The following MTHFD1 variants were observed in gnomAD, a reference collection of about 807,000 sequenced individuals.
MTHFD1 encodes the protein methylenetetrahydrofolate dehydrogenase, cyclohydrolase and formyltetrahydrofolate synthetase 1.
MTHFD1 carries 44 observed loss-of-function variants against 110.3 expected under a neutral mutation model. That is an observed-to-expected ratio of 0.40 (90% CI 0.31 to 0.51). MTHFD1 has a LOEUF of 0.51. Ranked by LOEUF, MTHFD1 falls within the 20% of genes least tolerant of loss-of-function variation. The pLI is 0.60. For missense variants in MTHFD1, 909 were observed against 1,173.1 expected, an observed-to-expected ratio of 0.77 and a Z score of 3.29; for synonymous variants, 402 against 428.8, an observed-to-expected ratio of 0.94 and a Z score of 0.77.
At chr14:64,412,913 C>T (rs542233054) in intron 4 of MTHFD1, among the ~76,000 whole-genome samples, 27 of 150,222 alleles carry the variant, frequency 1.8e-4, no homozygotes, top group East Asian at 8.3e-4. Flanking sequence ...GCTGGGATTA[C>T]AGGCGTGAGC....
chr14:64,449,681 C>A (rs768078804), intron 24 of MTHFD1, 59 bp downstream of exon 24: 1 of 1,579,642 alleles, frequency 6.3e-7, no homozygotes, highest in Non-Finnish European at 8.6e-7. Flanking sequence ...AGTGAAGTTT[C>A]TGTGTGGCTA....
At chr14:64,431,490 C>T in intron 13 of MTHFD1, 42 bp from the exon 14 acceptor site, 1 of 1,507,852 alleles carries the variant, frequency 6.6e-7, no homozygotes, top group South Asian at 1.1e-5. Context: ...TGGAAAGATA[C>T]AGAGCAGCTG....
At chr14:64,412,130 T>C (rs2077990030) in intron 3 of MTHFD1, among the ~76,000 whole-genome samples, 1 of 152,152 alleles carries the variant, frequency 6.6e-6, no homozygotes, top group African/African-American at 2.4e-5. Flanking sequence ...GGGAGGCATG[T>C]AGCTTTTCAT....
At chr14:64,404,706 C>A (rs1217869458) in intron 2 of MTHFD1, among the ~76,000 whole-genome samples, 2 of 152,192 alleles carry the variant, frequency 1.3e-5, no homozygotes, top group African/African-American at 2.4e-5. Context: ...TGCGGTGGCT[C>A]ATGCCTATAA....
intron 2 of MTHFD1, among the ~76,000 whole-genome samples, chr14:64,401,261 C>G (rs929657016): frequency 6.6e-6 from 1 of 152,192 alleles, no homozygotes; most frequent in African/African-American, 2.4e-5. Flanking sequence ...CTCCTGGCTT[C>G]AAGCAGTCCT....
chr14:64,440,348 T>C (rs978942118), intron 18 of MTHFD1, 82 bp downstream of exon 18: 3 of 1,490,950 alleles, frequency 2.0e-6, no homozygotes, highest in African/African-American at 1.4e-5. Context: ...AATAACAAAA[T>C]GTAATGCTGT....
chr14:64,425,326 C>A (rs1428387577), intron 9 of MTHFD1, among the ~76,000 whole-genome samples: 2 of 151,684 alleles, frequency 1.3e-5, no homozygotes, highest in African/African-American at 2.4e-5. Context: ...GATTCTCCTG[C>A]CTCAGCCTCC....
chr14:64,456,640 C>T (rs1170744818), intron 26 of MTHFD1, among the ~76,000 whole-genome samples: 2 of 152,218 alleles, frequency 1.3e-5, no homozygotes, highest in Admixed American at 6.5e-5. Flanking sequence ...TGTCATCTTC[C>T]GGTTTTTCTG....
chr14:64,447,345 G>A (rs529729690), intron 22 of MTHFD1, among the ~76,000 whole-genome samples: 4 of 151,452 alleles, frequency 2.6e-5, no homozygotes, highest in East Asian at 3.9e-4. Flanking sequence ...TAATAGATAC[G>A]GGGTTTCACC....
At position 64,425,821 on chromosome 14, in the gene MTHFD1, T is replaced by C. The variant is rs576220487; in HGVS notation, c.947T>C (p.Val316Ala). The change falls in exon 10 of 28, where the codon GTT becomes GCT. Residue 316 changes from valine to alanine, a missense_variant. Val to Ala is a moderately conservative substitution (Grantham distance 64, BLOSUM62 0). Coordinates refer to ENST00000652337, the MANE Select transcript of MTHFD1 (RefSeq NM_005956.4). ...QYNNLNLKTPVPSDIDISRSC... is the reference protein window; with the variant it reads ...QYNNLNLKTPAPSDIDISRSC... ...AACAACCTTAACCTCAAGACACCTGTTCCAAGGTAAAAATAAAGTTTTACT... is the reference window on the plus strand; with the variant it reads ...AACAACCTTAACCTCAAGACACCTGCTCCAAGGTAAAAATAAAGTTTTACT... The C allele has an allele frequency of 8.7e-6, 14 of 1,613,580 alleles. 1 individual carries two copies. The African/African-American group carries it at 1.5e-4, about 17-fold the overall frequency.
At chr14:64,453,364 G>C (rs1415945838) in intron 24 of MTHFD1, among the ~76,000 whole-genome samples, 1 of 152,066 alleles carries the variant, frequency 6.6e-6, no homozygotes, top group Non-Finnish European at 1.5e-5. Context: ...CTGAGGTTGG[G>C]AGTTCAAGAC....
chr14:64,418,483 A>C (rs1164196304), intron 7 of MTHFD1, among the ~76,000 whole-genome samples: 5 of 151,310 alleles, frequency 3.3e-5, no homozygotes, highest in South Asian at 2.1e-4. Flanking sequence ...ATTAAAAAAA[A>C]CATAAAATTA....
chr14:64,390,695 C>T (rs908573039), intron 1 of MTHFD1, among the ~76,000 whole-genome samples: 1 of 152,024 alleles, frequency 6.6e-6, no homozygotes, highest in Admixed American at 6.6e-5. Context: ...GTTGCCCAGG[C>T]TGGAGTGCAA....
At chr14:64,405,568 T>G (rs1401571240) in intron 2 of MTHFD1, among the ~76,000 whole-genome samples, 2 of 152,184 alleles carry the variant, frequency 1.3e-5, no homozygotes, top group African/African-American at 4.8e-5. Context: ...TGAGGCCGTC[T>G]CCTTAGGAGC....
intron 8 of MTHFD1, among the ~76,000 whole-genome samples, chr14:64,421,575 CT>C (rs2078071083): frequency 6.6e-6 from 1 of 152,064 alleles, no homozygotes; most frequent in South Asian, 2.1e-4. Context: ...ACTTTGAATA[CT>C]TGCGATATGA....
chr14:64,453,985 T>C, intron 25 of MTHFD1, 124 bp downstream of exon 25: 1 of 707,490 alleles, frequency 1.4e-6, no homozygotes, highest in South Asian at 1.5e-5. Context: ...CAGCCTTCTC[T>C]CCTCTGAAAT....
At position 64,444,730 on chromosome 14, in the gene MTHFD1, A is replaced by G; in HGVS notation, c.2174A>G (p.Gln725Arg). 6.2e-7 allele frequency: 1 copy of G among 1,614,058 alleles called. No individual in the cohort carries two copies. The highest frequency in any genetic ancestry group is 8.5e-7 in the Non-Finnish European group (1 of 1,179,962). ...AGLPLPKAYI[Q>R]ENLELVEKGF... ...CTGCCTCTTCCCAAGGCTTACATAC[A>G]GGAGGTAACCTGAGTTATTTCTCAT... Residue 725 changes from glutamine (Q) to arginine (R), a missense_variant, in exon 22 of 28, where the codon CAG (glutamine) becomes CGG (arginine). This residue lies in a region of MTHFD1 where 482 missense variants were observed against 646.0 expected (regional missense o/e 0.75). Coordinates refer to ENST00000652337, the MANE Select transcript of MTHFD1 (RefSeq NM_005956.4).
intron 16 of MTHFD1, among the ~76,000 whole-genome samples, chr14:64,438,712 C>T (rs758438427): frequency 9.9e-5 from 15 of 152,138 alleles, no homozygotes; most frequent in Non-Finnish European, 1.9e-4. Flanking sequence ...GCATTTCTTA[C>T]GGTGGTGGAA....
intron 24 of MTHFD1, among the ~76,000 whole-genome samples, chr14:64,451,019 AT>A (rs1163575434): frequency 2.0e-5 from 3 of 152,108 alleles, no homozygotes; most frequent in Non-Finnish European, 4.4e-5. Flanking sequence ...AATACAAAAA[AT>A]TAGCTGGGTG....
Sources: gnomAD v4.1 joint callset for allele counts (sites outside exome capture counted in the v4.1 genomes callset) on GRCh38, gnomAD v4.1.1 for gene constraint, gnomAD v4.1.1 regional missense constraint, MANE v1.5 for transcripts, NCBI Gene and HGNC (gene_info 2026-07-23, HGNC 2026-07-21) for gene names.